Variants in CRYBB3 observed in about 807,000 individuals in gnomAD.
The protein encoded by CRYBB3 is beta-crystallin B3.
A neutral mutation model predicts 28.3 loss-of-function variants in CRYBB3; 35 were observed. The observed-to-expected ratio is 1.24, with a 90% CI of 0.95 to 1.64. The LOEUF (loss-of-function observed/expected upper bound fraction) is 1.64. Among genes scored for constraint, CRYBB3 ranks in the 40% most tolerant of loss-of-function variants. The probability of loss-of-function intolerance (pLI) is 0.00; values close to 1 mark genes in which losing one functional copy is unlikely to be tolerated. For missense variants in CRYBB3, 296 were observed against 297.4 expected, an observed-to-expected ratio of 1.00 and a Z score of 0.04; for synonymous variants, 106 against 110.4, an observed-to-expected ratio of 0.96 and a Z score of 0.25.
At chr22:25,205,584 C>T (rs909512689) in intron 5 of CRYBB3, among the ~76,000 whole-genome samples, 15 of 152,126 alleles carry the variant, frequency 9.9e-5, no homozygotes, top group African/African-American at 1.2e-4. Flanking sequence ...CTCAGCCTCC[C>T]GAGTAGCTGG....
At chr22:25,201,596 A>C in intron 2 of CRYBB3, 125 bp downstream of exon 2, 3 of 1,458,452 alleles carry the variant, frequency 2.1e-6, no homozygotes, top group Admixed American at 2.5e-5. Context: ...CCAGGACAAA[A>C]CGCTCCGGGT....
Position 25,205,147 on chromosome 22 carries a change from C to T in CRYBB3, c.328-73C>T, listed in dbSNP as rs117311393. ...TTTTGTGGTGACCTGTTGATTCTTT[C>T]CGGCATCTGGAGCCTCCTTGACCTC... is the stretch of plus-strand genomic sequence containing the variant. On this transcript the variant is annotated intron_variant, in intron 4 of 5. Transcript: ENST00000215855. The T allele has an allele frequency of 0.016, 26,368 of 1,600,194 alleles. 328 individuals carry two copies. Among genetic ancestry groups the T allele is most frequent in the Non-Finnish European group, 0.019 (22,226 of 1,169,940 alleles).
Position 25,207,303 on chromosome 22 carries a change from G to A in CRYBB3, c.*91G>A. Reference sequence around the variant, plus strand: ...CCAGGGTTGGGGCGAGGGCCGACCTGTCCACCCTTCCCTGGAATCTGCTCA... The same window carrying A: ...CCAGGGTTGGGGCGAGGGCCGACCTATCCACCCTTCCCTGGAATCTGCTCA... On this transcript the variant is annotated 3_prime_UTR_variant, in exon 6 of 6. Transcript: ENST00000215855. 1.8e-6 allele frequency: 2 copies of A among 1,141,580 alleles called. No homozygotes were observed. The highest frequency in any genetic ancestry group is 2.5e-6 in the Non-Finnish European group (2 of 809,448). The allele number at this position is 1,141,580 out of a possible 1,614,324, so 70.7% of individuals were successfully genotyped here.
chr22:25,203,739 C>T (rs779077251), intron 3 of CRYBB3, 24 bp from the exon 4 acceptor site: 1 of 1,613,976 alleles, frequency 6.2e-7, no homozygotes, highest in African/African-American at 1.3e-5. Flanking sequence ...AAAGGTGACC[C>T]AGCCAAGCCT....
chr22:25,205,521 G>A lies in CRYBB3; in HGVS notation c.470+159G>A, dbSNP rs183249019. 7.4e-3 allele frequency among the ~76,000 whole-genome samples: 1,121 copies of A among 152,154 alleles called. 14 individuals are homozygous for A. Among genetic ancestry groups the A allele is most frequent in the African/African-American group, 0.025 (1,054 of 41,500 alleles). On this transcript the variant is annotated intron_variant, in intron 5 of 5. Transcript: ENST00000215855. Reference sequence around the variant, plus strand: ...GTCGCCCAGGCTGGAGTGCAGTGGCGCGATCTCAGCTCACTGCAAGCTCCG... The same window carrying A: ...GTCGCCCAGGCTGGAGTGCAGTGGCACGATCTCAGCTCACTGCAAGCTCCG...
intron 4 of CRYBB3, 73 bp from the exon 5 acceptor site, chr22:25,205,147 C>A: frequency 6.2e-7 from 1 of 1,600,342 alleles, no homozygotes. Flanking sequence ...TTGATTCTTT[C>A]CGGCATCTGG....
intron 3 of CRYBB3, 121 bp downstream of exon 3, chr22:25,202,913 T>C: frequency 6.6e-7 from 1 of 1,520,386 alleles, no homozygotes; most frequent in Non-Finnish European, 8.8e-7. Flanking sequence ...TTCTCTGGCC[T>C]CGTTTTCCGC....
rs767188803 is a variant in CRYBB3, at chr22:25,207,113, C to T, written c.537C>T (p.Arg179=). ...ACGTGTTTGAGCGGGGCGAGTACCG[C>T]CACTGGAATGAGTGGGACGCCAGCC... ...RQYVFERGEY[R]HWNEWDASQP... Residue 179 remains arginine, a synonymous_variant, in exon 6 of 6, where the codon CGC becomes CGT. Coordinates refer to ENST00000215855, the MANE Select transcript of CRYBB3 (RefSeq NM_004076.5). 6.2e-7 allele frequency: 1 copy of T among 1,613,638 alleles called. No individual in the cohort carries two copies. Among genetic ancestry groups the T allele is most frequent in the Non-Finnish European group, 8.5e-7 (1 of 1,179,844 alleles).
chr22:25,201,047 G>A (rs538457927), intron 1 of CRYBB3, among the ~76,000 whole-genome samples: 3 of 152,270 alleles, frequency 2.0e-5, no homozygotes, highest in African/African-American at 4.8e-5. Context: ...CCTGGGTTTC[G>A]GGGAGCATCT....
intron 5 of CRYBB3, 133 bp downstream of exon 5, chr22:25,205,495 T>C: frequency 8.8e-7 from 1 of 1,131,906 alleles, no homozygotes; most frequent in Non-Finnish European, 1.1e-6. Context: ...AGTCTTGCTC[T>C]GTCGCCCAGG....
rs1396113155 is a variant in CRYBB3 at position 25,207,045 on chromosome 22, A to T, written c.471-2A>T. On this transcript the variant is annotated splice_acceptor_variant, in intron 5 of 5. Coordinates refer to ENST00000215855, the MANE Select transcript of CRYBB3 (RefSeq NM_004076.5). LOFTEE classifies it high-confidence loss of function. ...CACATCTCAACCTTGGTCTCCCGGC[A>T]GGTGGGTTGGCTATGAGTTCCCCGG... is the stretch of plus-strand genomic sequence containing the variant. The T allele has an allele frequency of 1.2e-6, 2 of 1,612,368 alleles. No individual in the cohort carries two copies. The highest frequency in any genetic ancestry group is 2.2e-5 in the South Asian group (2 of 91,050).
Position 25,207,153 on chromosome 22 carries a change from T to G in CRYBB3, c.577T>G (p.Ser193Ala), listed in dbSNP as rs746125595. Reference sequence around the variant, plus strand: ...GGACGCCAGCCAGCCGCAGCTGCAGTCTGTGCGCCGCATCCGTGACCAGAA... The same window carrying G: ...GGACGCCAGCCAGCCGCAGCTGCAGGCTGTGCGCCGCATCCGTGACCAGAA... ...EWDASQPQLQ[S>A]VRRIRDQKWH... The change falls in exon 6 of 6, where the codon TCT (serine) becomes GCT (alanine). Residue 193 changes from serine (S) to alanine (A), a missense_variant. Transcript: ENST00000215855. 18 of 1,613,548 alleles carry G rather than the reference T, an allele frequency of 1.1e-5. No homozygotes were observed. The highest frequency in any genetic ancestry group is 1.4e-5 in the Non-Finnish European group (17 of 1,180,016).
intron 1 of CRYBB3, among the ~76,000 whole-genome samples, chr22:25,200,663 A>G (rs1316822425): frequency 6.6e-6 from 1 of 152,174 alleles, no homozygotes; most frequent in Non-Finnish European, 1.5e-5. Context: ...CCCTGTAGCA[A>G]TGAAGAACTG....
chr22:25,201,961 T>C (rs750417306), intron 2 of CRYBB3, among the ~76,000 whole-genome samples: 3 of 152,176 alleles, frequency 2.0e-5, no homozygotes, highest in Admixed American at 2.0e-4. Flanking sequence ...GAGAGAAGGT[T>C]TGAATGTGTT....
At chr22:25,206,788 A>G (rs1004361269) in intron 5 of CRYBB3, among the ~76,000 whole-genome samples, 1 of 152,144 alleles carries the variant, frequency 6.6e-6, no homozygotes, top group Non-Finnish European at 1.5e-5. Flanking sequence ...TCATGCATAC[A>G]AAGGCCCCCC....
chr22:25,203,881 C>A lies in CRYBB3; in HGVS notation c.313C>A (p.Arg105=), dbSNP rs376115617. The A allele has an allele frequency of 6.2e-7, 1 of 1,614,158 alleles. No homozygotes were observed. The change falls in exon 4 of 6, where the codon CGG becomes AGG. Residue 105 remains arginine (R), a synonymous_variant. Coordinates refer to ENST00000215855, the MANE Select transcript of CRYBB3 (RefSeq NM_004076.5). ...TGATAGTGACAGCCTTCTGTCCCTC[C>A]GGCCTCTGAATATTGTGAGTGTGGT... The part of the protein sequence containing the change: ...SRDSDSLLSL[R]PLNIDSPHHK...
At chr22:25,201,742 A>ACC (rs200388017) in intron 2 of CRYBB3, among the ~76,000 whole-genome samples, 1 of 110,604 alleles carries the variant, frequency 9.0e-6, no homozygotes, top group Non-Finnish European at 1.8e-5. Flanking sequence ...GGTTTCTGGA[A>ACC]ACGGCTCTGA....
chr22:25,205,672 G>A (rs924540321), intron 5 of CRYBB3, among the ~76,000 whole-genome samples: 3 of 152,052 alleles, frequency 2.0e-5, no homozygotes, highest in Non-Finnish European at 2.9e-5. Context: ...TGTTAGCCAG[G>A]ATGGTCTCAA....
Position 25,207,077 on chromosome 22 carries a change from T to G in CRYBB3, c.501T>G (p.Arg167=), listed in dbSNP as rs1490623203. 1.9e-6 allele frequency: 3 copies of G among 1,613,590 alleles called. No individual in the cohort carries two copies. In the Admixed American group the frequency reaches 5.0e-5, roughly 27 times the overall value. ...TTGGCTATGAGTTCCCCGGCTACCG[T>G]GGGCGCCAGTACGTGTTTGAGCGGG... ...TWVGYEFPGY[R]GRQYVFERGE... is the part of the protein sequence containing the mutation. The change falls in exon 6 of 6, where the codon CGT becomes CGG. Residue 167 remains arginine, a synonymous_variant. Transcript: ENST00000215855.
Sources: gnomAD v4.1 joint callset for allele counts (sites outside exome capture counted in the v4.1 genomes callset) on GRCh38, gnomAD v4.1.1 for gene constraint, MANE v1.5 for transcripts, NCBI Gene and HGNC (gene_info 2026-07-23, HGNC 2026-07-21) for gene names.